The following CADM2 variants were observed in gnomAD, a reference collection of about 807,000 sequenced individuals.
CADM2 encodes the protein cell adhesion molecule 2.
In CADM2, 12 loss-of-function variants were observed where a neutral mutation model predicts 49.8. That is an observed-to-expected ratio of 0.24 (90% CI 0.15 to 0.39). The LOEUF (loss-of-function observed/expected upper bound fraction) is 0.39. Among genes scored for constraint, CADM2 ranks in the 10% least tolerant of loss-of-function variants. CADM2 has a pLI of 1.00. For synonymous variants in CADM2, 214 were observed against 175.4 expected, an observed-to-expected ratio of 1.22 and a Z score of -1.74; for missense variants, 378 against 492.3, an observed-to-expected ratio of 0.77 and a Z score of 2.20.
At position 85,989,433 on chromosome 3, in the gene CADM2, C is replaced by A. The variant is rs72912425; in HGVS notation, c.970+27786C>A. Reference sequence around the variant, plus strand: ...TCAAGAAAACGAGGACACTGGGGGACAGGGGACCAAAATTCAGACCACTTT... The same window carrying A: ...TCAAGAAAACGAGGACACTGGGGGAAAGGGGACCAAAATTCAGACCACTTT... On this transcript the variant is annotated intron_variant, in intron 8 of 9. Transcript: ENST00000383699. 1.8e-3 allele frequency among the ~76,000 whole-genome samples: 280 copies of A among 152,166 alleles called. 2 individuals are homozygous for A. The highest frequency in any genetic ancestry group is 6.0e-3 in the African/African-American group (250 of 41,534).
At chr3:85,461,362 C>G (rs2038236459) in intron 1 of CADM2, among the ~76,000 whole-genome samples, 1 of 152,086 alleles carries the variant, frequency 6.6e-6, no homozygotes, top group Non-Finnish European at 1.5e-5. Context: ...GTAGTGAGGA[C>G]TACTTTATAT....
intron 1 of CADM2, among the ~76,000 whole-genome samples, chr3:85,465,701 T>C (rs2038462116): frequency 6.6e-6 from 1 of 152,192 alleles, no homozygotes; most frequent in Non-Finnish European, 1.5e-5. Flanking sequence ...TTCTACTCTT[T>C]CCCTGCAGTG....
At chr3:85,266,756 T>G (rs1399739457) in intron 1 of CADM2, among the ~76,000 whole-genome samples, 2 of 151,834 alleles carry the variant, frequency 1.3e-5, no homozygotes, top group African/African-American at 4.8e-5. Context: ...TAATCAGCAA[T>G]TTTATTGCTT....
At chr3:85,950,312 A>G (rs2108584512) in intron 7 of CADM2, among the ~76,000 whole-genome samples, 1 of 151,338 alleles carries the variant, frequency 6.6e-6, no homozygotes, top group Middle Eastern at 3.4e-3. Context: ...TTCAGCAGAA[A>G]GTCCTTAAGA....
intron 1 of CADM2, among the ~76,000 whole-genome samples, chr3:85,146,351 G>A (rs1371474104): frequency 6.6e-6 from 1 of 152,008 alleles, no homozygotes. Flanking sequence ...TCTCATTAAA[G>A]CATCATCATT....
rs188461799 is a variant in CADM2, at chr3:85,488,809, G to A, written c.62-237713G>A. On this transcript the variant is annotated intron_variant, in intron 1 of 9. Coordinates refer to ENST00000383699, the MANE Select transcript of CADM2 (RefSeq NM_001167675.2). Reference sequence around the variant, plus strand: ...CTCCCAAAGTGCTGGGATTACAGGCGTGAGCCACCGTGCCTGGCCTATTTA... The same window carrying A: ...CTCCCAAAGTGCTGGGATTACAGGCATGAGCCACCGTGCCTGGCCTATTTA... 3.4e-3 allele frequency among the ~76,000 whole-genome samples: 511 copies of A among 152,160 alleles called. 4 individuals carry two copies. The highest frequency in any genetic ancestry group is 0.012 in the African/African-American group (494 of 41,522).
intron 8 of CADM2, among the ~76,000 whole-genome samples, chr3:86,010,037 T>A (rs1446110946): frequency 6.6e-6 from 1 of 151,934 alleles, no homozygotes; most frequent in Non-Finnish European, 1.5e-5. Flanking sequence ...AAGTCCGACA[T>A]TAACTCTGCT....
intron 1 of CADM2, among the ~76,000 whole-genome samples, chr3:85,063,676 T>A (rs569378628): frequency 6.6e-6 from 1 of 152,142 alleles, no homozygotes; most frequent in Admixed American, 6.5e-5. Context: ...CTCCAGATAA[T>A]GGGAATTGTG....
chr3:85,957,893 A>T (rs1724247640), intron 7 of CADM2, among the ~76,000 whole-genome samples: 1 of 152,028 alleles, frequency 6.6e-6, no homozygotes, highest in Admixed American at 6.6e-5. Flanking sequence ...CAAAGAGTTC[A>T]TGATGAAAAC....
At chr3:85,728,836 A>T (rs1021018391) in intron 2 of CADM2, among the ~76,000 whole-genome samples, 3 of 152,170 alleles carry the variant, frequency 2.0e-5, no homozygotes, top group Admixed American at 6.6e-5. Context: ...ATTTTTAAAC[A>T]CTCTTAAAAC....
intron 1 of CADM2, among the ~76,000 whole-genome samples, chr3:85,042,894 CATACAAATGTT>C (rs2035498302): frequency 6.6e-6 from 1 of 152,106 alleles, no homozygotes. Flanking sequence ...AGGCGGTAAA[CATACAAATGTT>C]ATTCATTTGT....
chr3:85,188,798 G>C (rs1276386654), intron 1 of CADM2, among the ~76,000 whole-genome samples: 1 of 152,044 alleles, frequency 6.6e-6, no homozygotes, highest in Non-Finnish European at 1.5e-5. Context: ...TTGGGAGGCT[G>C]AGGTGGGCGG....
At chr3:85,304,052 A>T (rs575543906) in intron 1 of CADM2, among the ~76,000 whole-genome samples, 1 of 151,876 alleles carries the variant, frequency 6.6e-6, no homozygotes, top group African/African-American at 2.4e-5. Context: ...ACTTTTAAAG[A>T]CACAAATATT....
At chr3:85,953,976 A>G (rs762789256) in intron 7 of CADM2, among the ~76,000 whole-genome samples, 1 of 150,934 alleles carries the variant, frequency 6.6e-6, no homozygotes. Context: ...TCTCATGCAT[A>G]CATGTATAAA....
At chr3:85,219,661 A>G (rs1046230250) in intron 1 of CADM2, among the ~76,000 whole-genome samples, 1 of 152,048 alleles carries the variant, frequency 6.6e-6, no homozygotes, top group African/African-American at 2.4e-5. Flanking sequence ...AATTGGTTAT[A>G]TGCTACATGG....
chr3:84,962,273 T>TA (rs77816542), intron 1 of CADM2, among the ~76,000 whole-genome samples: 302 of 140,282 alleles, frequency 2.2e-3, no homozygotes, highest in East Asian at 0.012. Context: ...TACGAGGATT[T>TA]AAAAAAAAAA....
intron 1 of CADM2, among the ~76,000 whole-genome samples, chr3:85,283,653 A>T (rs76744897): frequency 6.6e-6 from 1 of 152,092 alleles, no homozygotes; most frequent in Admixed American, 6.6e-5. Context: ...CATCAGTGCT[A>T]TGACTCTTTA....
At chr3:85,651,477 A>G (rs563446671) in intron 1 of CADM2, among the ~76,000 whole-genome samples, 3 of 152,310 alleles carry the variant, frequency 2.0e-5, no homozygotes, top group South Asian at 4.1e-4. Flanking sequence ...AACAAGAAGG[A>G]ATTTTACAAA....
At chr3:85,350,264 T>C (rs538576708) in intron 1 of CADM2, among the ~76,000 whole-genome samples, 1 of 152,308 alleles carries the variant, frequency 6.6e-6, no homozygotes, top group African/African-American at 2.4e-5. Flanking sequence ...CCAAAGCGAA[T>C]ATAGTTTATT....
Sources: allele counts gnomAD v4.1 joint callset (sites outside exome capture counted in the v4.1 genomes callset), GRCh38; gene constraint gnomAD v4.1.1; transcripts MANE v1.5; gene names NCBI Gene and HGNC (gene_info 2026-07-23, HGNC 2026-07-21).